The following STXBP6 variants were observed in gnomAD, a reference collection of about 807,000 sequenced individuals.
The protein encoded by STXBP6 is syntaxin-binding protein 6.
In STXBP6, 21 loss-of-function variants were observed where a neutral mutation model predicts 26.9. The observed-to-expected ratio is 0.78, with a 90% CI of 0.55 to 1.12. The LOEUF (loss-of-function observed/expected upper bound fraction) is 1.12, where lower values mean the gene tolerates loss of function less well. STXBP6 is among the 50% of genes most tolerant of loss of function. The pLI is 0.00. For synonymous variants in STXBP6, 97 were observed against 92.6 expected, an observed-to-expected ratio of 1.05 and a Z score of -0.27; for missense variants, 232 against 257.9, an observed-to-expected ratio of 0.90 and a Z score of 0.69.
At position 24,945,139 on chromosome 14, in the gene STXBP6, A is replaced by ATTTTTTTTTTTTTT. The variant is rs552562019; in HGVS notation, c.154+29512_154+29525dup. On this transcript the variant is annotated intron_variant, in intron 2 of 5. Coordinates refer to ENST00000323944, the MANE Select transcript of STXBP6 (RefSeq NM_001394410.1). ...TGGCATGTATATGAACCAATTAGGA[A>ATTTTTTTTTTTTTT]TTTTTTTTTTTTTTTTTTTTTTTTT... Among the ~76,000 whole-genome samples, 479 of 100,706 alleles carry ATTTTTTTTTTTTTT rather than the reference A, an allele frequency of 4.8e-3. 127 individuals carry two copies. The highest frequency in any genetic ancestry group is 7.0e-3 in the East Asian group (21 of 3,000). 66.1% of individuals were successfully genotyped at this position (100,706 alleles called of 152,430 possible). A position where few individuals can be genotyped will look rare whatever the true frequency, so the allele number is the denominator to read the frequency against.
chr14:24,995,798 C>A (rs1159761646), intron 1 of STXBP6, among the ~76,000 whole-genome samples: 1 of 152,172 alleles, frequency 6.6e-6, no homozygotes, highest in African/African-American at 2.4e-5. Context: ...CAGCCCATAT[C>A]TTTCCCTTTT....
intron 1 of STXBP6, chr14:25,048,995 C>A (rs2225269): frequency 0.15 from 32,600 of 213,040 alleles, 2,960 homozygotes; most frequent in African/African-American, 0.26. Flanking sequence ...CCTAGGGAAG[C>A]GTAATAGGAA....
At chr14:24,822,677 C>T (rs1351089817) in intron 4 of STXBP6, among the ~76,000 whole-genome samples, 1 of 152,042 alleles carries the variant, frequency 6.6e-6, no homozygotes, top group African/African-American at 2.4e-5. Context: ...GTCCCTCCAC[C>T]CCCCTTAAGA....
intron 2 of STXBP6, among the ~76,000 whole-genome samples, chr14:24,887,972 C>T (rs893161488): frequency 3.3e-5 from 5 of 152,162 alleles, no homozygotes; most frequent in Non-Finnish European, 2.9e-5. Flanking sequence ...CACACTCATA[C>T]AAAATTAAGT....
chr14:24,977,316 A>G (rs1261067337), intron 1 of STXBP6, among the ~76,000 whole-genome samples: 1 of 152,196 alleles, frequency 6.6e-6, no homozygotes, highest in Admixed American at 6.5e-5. Context: ...GAAAGAGATA[A>G]TGTGGTTTTA....
chr14:24,810,575 A>G lies in STXBP6; in HGVS notation c.*2134T>C, dbSNP rs1051289915. On this transcript the variant is annotated 3_prime_UTR_variant, in exon 6 of 6. Coordinates refer to ENST00000323944, the MANE Select transcript of STXBP6 (RefSeq NM_001394410.1). The stretch of plus-strand genomic sequence containing the variant: ...TCCAATGAAACTTAGGTCTAAAAGG[A>G]TAAGCAGAGAGTGAGGAAAGAGGGC... 6.6e-6 allele frequency: 1 copy of G among 152,208 alleles called. No homozygotes were observed. The highest frequency in any genetic ancestry group is 2.4e-5 in the African/African-American group (1 of 41,456). 9.4% of individuals were successfully genotyped at this position (152,208 alleles called of 1,614,324 possible). A position where few individuals can be genotyped will look rare whatever the true frequency, so the allele number is the denominator to read the frequency against.
chr14:24,855,873 C>A (rs958106762), intron 4 of STXBP6, 63 bp downstream of exon 4: 12 of 1,488,516 alleles, frequency 8.1e-6, no homozygotes, highest in Non-Finnish European at 1.1e-5. Flanking sequence ...GAACTCCTAA[C>A]TTCTTAAGTA....
intron 2 of STXBP6, among the ~76,000 whole-genome samples, chr14:24,920,589 A>T (rs2038212582): frequency 6.6e-6 from 1 of 151,922 alleles, no homozygotes; most frequent in African/African-American, 2.4e-5. Context: ...AAAACCCAGC[A>T]TACTTTATTG....
chr14:25,011,038 G>A (rs1410697078), intron 1 of STXBP6, among the ~76,000 whole-genome samples: 1 of 152,158 alleles, frequency 6.6e-6, no homozygotes, highest in East Asian at 1.9e-4. Flanking sequence ...CAGATATTGA[G>A]ACCGTTTCAC....
intron 4 of STXBP6, among the ~76,000 whole-genome samples, chr14:24,830,464 A>C (rs1046230634): frequency 2.0e-5 from 3 of 152,184 alleles, no homozygotes; most frequent in Non-Finnish European, 4.4e-5. Flanking sequence ...AGGGAAAAGG[A>C]AGAATACTGA....
At chr14:25,039,276 C>CA (rs1413794923) in intron 1 of STXBP6, among the ~76,000 whole-genome samples, 1 of 152,164 alleles carries the variant, frequency 6.6e-6, no homozygotes, top group African/African-American at 2.4e-5. Context: ...CATTTCAACT[C>CA]AAACAGGAAG....
chr14:24,919,857 C>T (rs1267697281), intron 2 of STXBP6, among the ~76,000 whole-genome samples: 1 of 151,886 alleles, frequency 6.6e-6, no homozygotes, highest in Non-Finnish European at 1.5e-5. Context: ...GCTTACAATA[C>T]CAAAGTGCCT....
intron 2 of STXBP6, among the ~76,000 whole-genome samples, chr14:24,918,233 A>T (rs549417108): frequency 3.4e-4 from 51 of 152,096 alleles, no homozygotes; most frequent in African/African-American, 1.2e-3. Context: ...ACTAAAAACC[A>T]ATTGTACATC....
At chr14:25,040,731 C>A (rs553928723) in intron 1 of STXBP6, among the ~76,000 whole-genome samples, 1 of 152,158 alleles carries the variant, frequency 6.6e-6, no homozygotes, top group Non-Finnish European at 1.5e-5. Context: ...ATGACAGACA[C>A]GCATAGTTTG....
chr14:24,874,123 GA>G (rs10716002), intron 2 of STXBP6, among the ~76,000 whole-genome samples: 2,514 of 152,062 alleles, frequency 0.017, 79 homozygotes, highest in African/African-American at 0.057. Context: ...GATGGAGGAA[GA>G]AAAAAACCAC....
intron 2 of STXBP6, among the ~76,000 whole-genome samples, chr14:24,866,315 G>T (rs981329850): frequency 6.6e-6 from 1 of 152,108 alleles, no homozygotes; most frequent in African/African-American, 2.4e-5. Context: ...CCATGATCAT[G>T]TGAGCCAATT....
At chr14:25,031,696 G>A (rs553821647) in intron 1 of STXBP6, among the ~76,000 whole-genome samples, 7 of 151,810 alleles carry the variant, frequency 4.6e-5, no homozygotes, top group African/African-American at 1.7e-4. Flanking sequence ...TTGAAGAATG[G>A]CTGTATGTAT....
At chr14:24,964,704 A>G (rs563500484) in intron 2 of STXBP6, among the ~76,000 whole-genome samples, 1 of 144,522 alleles carries the variant, frequency 6.9e-6, no homozygotes, top group Non-Finnish European at 1.5e-5. Context: ...GGGTAACAGG[A>G]AAGAGCTGGA....
At chr14:24,995,612 C>T (rs1445340271) in intron 1 of STXBP6, among the ~76,000 whole-genome samples, 1 of 152,080 alleles carries the variant, frequency 6.6e-6, no homozygotes, top group Non-Finnish European at 1.5e-5. Context: ...CTATGGACTT[C>T]CTAACAAAAC....
Sources: gnomAD v4.1 joint callset for allele counts (sites outside exome capture counted in the v4.1 genomes callset) on GRCh38, gnomAD v4.1.1 for gene constraint, MANE v1.5 for transcripts, NCBI Gene and HGNC (gene_info 2026-07-23, HGNC 2026-07-21) for gene names.